The following MAP3K13 variants were observed in gnomAD, a reference collection of about 807,000 sequenced individuals.
The protein encoded by MAP3K13 is leucine zipper-bearing kinase.
In MAP3K13, 52 loss-of-function variants were observed where a neutral mutation model predicts 104.0. The observed-to-expected ratio is 0.50, with a 90% CI of 0.40 to 0.63. The LOEUF is 0.63. Ranked by LOEUF, MAP3K13 falls within the 20% of genes least tolerant of loss-of-function variation. The probability of loss-of-function intolerance (pLI) is 0.00; values close to 1 mark genes in which losing one functional copy is unlikely to be tolerated. For synonymous variants in MAP3K13, 394 were observed against 442.2 expected (o/e 0.89, Z 1.37); for missense variants, 914 against 1,218.5 (o/e 0.75, Z 3.72).
chr3:185,474,832 C>T (rs1304542655), intron 11 of MAP3K13, among the ~76,000 whole-genome samples: 6 of 152,112 alleles, frequency 3.9e-5, no homozygotes, highest in Non-Finnish European at 8.8e-5. Flanking sequence ...CACGGTGGCT[C>T]ATGCTTGTAA....
At chr3:185,443,410 G>A (rs1365077076) in intron 3 of MAP3K13, 35 bp from the exon 4 acceptor site, 3 of 1,440,668 alleles carry the variant, frequency 2.1e-6, no homozygotes, top group Non-Finnish European at 2.9e-6. Context: ...ACTTGTATGT[G>A]TGTATTGATG....
intron 1 of MAP3K13, among the ~76,000 whole-genome samples, chr3:185,408,332 G>A (rs1713236696): frequency 1.3e-5 from 2 of 152,136 alleles, no homozygotes; most frequent in Admixed American, 1.3e-4. Context: ...ATCCCCTTGG[G>A]AGGCTGAGGC....
At chr3:185,319,943 C>T (rs556313880) in intron 2 of MAP3K13, among the ~76,000 whole-genome samples, 45 of 152,110 alleles carry the variant, frequency 3.0e-4, no homozygotes, top group Non-Finnish European at 5.7e-4. Flanking sequence ...ACAGCTTAAG[C>T]GAAATGAATT....
chr3:185,338,916 A>G (rs1722616006), intron 2 of MAP3K13, among the ~76,000 whole-genome samples: 1 of 152,234 alleles, frequency 6.6e-6, no homozygotes, highest in South Asian at 2.1e-4. Context: ...TGTATAATAG[A>G]GTTAAGAGTG....
intron 2 of MAP3K13, among the ~76,000 whole-genome samples, chr3:185,337,564 G>A (rs1180945276): frequency 2.0e-5 from 3 of 152,182 alleles, no homozygotes; most frequent in African/African-American, 7.2e-5. Flanking sequence ...CTGATTTCGG[G>A]CCTGTGTTAA....
At chr3:185,398,676 G>A (rs1712574692) in intron 1 of MAP3K13, among the ~76,000 whole-genome samples, 3 of 152,194 alleles carry the variant, frequency 2.0e-5, no homozygotes, top group Admixed American at 2.0e-4. Context: ...GAGAAACATG[G>A]TGCCTAGCAT....
At chr3:185,376,202 G>A (rs1442105622) in intron 1 of MAP3K13, among the ~76,000 whole-genome samples, 1 of 152,168 alleles carries the variant, frequency 6.6e-6, no homozygotes, top group Non-Finnish European at 1.5e-5. Flanking sequence ...TGTGAGGCTG[G>A]AATGAAGTCC....
chr3:185,460,103 C>T (rs938401501), intron 7 of MAP3K13, among the ~76,000 whole-genome samples: 11 of 151,962 alleles, frequency 7.2e-5, no homozygotes, highest in African/African-American at 2.2e-4. Flanking sequence ...TTTGTTTATC[C>T]GTTTATCTAT....
At chr3:185,400,292 C>G (rs749844674) in intron 1 of MAP3K13, among the ~76,000 whole-genome samples, 12 of 152,194 alleles carry the variant, frequency 7.9e-5, no homozygotes, top group Admixed American at 2.0e-4. Flanking sequence ...TCTCCATACC[C>G]CTTCCCTGGT....
chr3:185,471,442 C>T lies in MAP3K13; in HGVS notation c.1644-1533C>T, dbSNP rs553251950. On this transcript the variant is annotated intron_variant, in intron 10 of 13. Coordinates refer to ENST00000265026, the MANE Select transcript of MAP3K13 (RefSeq NM_004721.5). ...TTACAGGTGTGAGCCTGTACCTGGACGACCTTTACTTTTTTTTTTTTTTTT... is the reference window on the plus strand; with the variant it reads ...TTACAGGTGTGAGCCTGTACCTGGATGACCTTTACTTTTTTTTTTTTTTTT... Among the ~76,000 whole-genome samples the T allele has an allele frequency of 1.4e-4, 19 of 136,144 alleles. No homozygotes were observed. The East Asian group carries it at 2.6e-3, about 19-fold the overall frequency. The allele number at this position is 136,144 out of a possible 152,430, so 89.3% of individuals were successfully genotyped here.
chr3:185,466,131 G>T (rs1229710274), intron 9 of MAP3K13, among the ~76,000 whole-genome samples: 2 of 152,204 alleles, frequency 1.3e-5, no homozygotes, highest in Non-Finnish European at 2.9e-5. Context: ...GAAGAGCACG[G>T]GGTGAAGACC....
intron 2 of MAP3K13, among the ~76,000 whole-genome samples, chr3:185,356,878 G>A (rs978846700): frequency 6.6e-6 from 1 of 151,940 alleles, no homozygotes; most frequent in Non-Finnish European, 1.5e-5. Flanking sequence ...ATGTATGTAT[G>A]TATGTATGTA....
intron 7 of MAP3K13, among the ~76,000 whole-genome samples, chr3:185,453,882 G>GATAT (rs1333206400): frequency 1.4e-5 from 1 of 72,472 alleles, no homozygotes; most frequent in African/African-American, 5.6e-5. Flanking sequence ...ATATATATGA[G>GATAT]ATATATATGT....
chr3:185,420,226 C>T (rs1714039345), intron 1 of MAP3K13, among the ~76,000 whole-genome samples: 1 of 151,356 alleles, frequency 6.6e-6, no homozygotes, highest in East Asian at 1.9e-4. Flanking sequence ...TTCAAATAGG[C>T]GTTTCAGGAG....
intron 1 of MAP3K13, chr3:185,417,845 T>C: frequency 1.2e-6 from 2 of 1,608,104 alleles, no homozygotes; most frequent in Non-Finnish European, 1.7e-6. Flanking sequence ...TTTAGGACTC[T>C]GCGATGAATC....
intron 2 of MAP3K13, among the ~76,000 whole-genome samples, chr3:185,295,677 C>G (rs979263500): frequency 5.7e-4 from 54 of 94,460 alleles, no homozygotes; most frequent in African/African-American, 2.0e-3. Context: ...CTCTATCATT[C>G]TGTCATAAAT....
intron 1 of MAP3K13, among the ~76,000 whole-genome samples, chr3:185,376,223 C>T (rs368583000): frequency 1.2e-4 from 18 of 151,760 alleles, no homozygotes; most frequent in African/African-American, 3.1e-4. Flanking sequence ...GGGCCAGGAA[C>T]GACGATAACT....
At chr3:185,453,879 TGA>T (rs1491110456) in intron 7 of MAP3K13, among the ~76,000 whole-genome samples, 5 of 85,034 alleles carry the variant, frequency 5.9e-5, no homozygotes, top group African/African-American at 2.0e-4. Context: ...TACATATATA[TGA>T]GATATATATG....
Position 185,454,724 on chromosome 3 carries a change from T to TGATATATATATCATATATATGA in MAP3K13, c.1278+3338_1278+3339insATCATATATATGAGATATATAT, listed in dbSNP as rs1560117364. 8.6e-5 allele frequency among the ~76,000 whole-genome samples: 2 copies of TGATATATATATCATATATATGA among 23,238 alleles called. 1 individual carries two copies. The highest frequency in any genetic ancestry group is 3.5e-4 in the Non-Finnish European group (2 of 5,708). 15.2% of individuals were successfully genotyped at this position (23,238 alleles called of 152,430 possible). On this transcript the variant is annotated intron_variant, in intron 7 of 13. Coordinates refer to ENST00000265026, the MANE Select transcript of MAP3K13 (RefSeq NM_004721.5). ...ATATATATCATATATGAGATATATA[T>TGATATATATATCATATATATGA]GATATATATGATATATATATCATAT...
Sources: allele counts gnomAD v4.1 joint callset (sites outside exome capture counted in the v4.1 genomes callset), GRCh38; gene constraint gnomAD v4.1.1; transcripts MANE v1.5; gene names NCBI Gene and HGNC (gene_info 2026-07-23, HGNC 2026-07-21).